NCOA1: variants seen among roughly 807,000 people sequenced by gnomAD.
The protein encoded by NCOA1 is nuclear receptor coactivator 1.
In NCOA1, 35 loss-of-function variants were observed where a neutral mutation model predicts 150.9. The ratio of observed to expected loss-of-function variants is 0.23; its 90% CI spans 0.18 to 0.31. The LOEUF is 0.31. NCOA1 is among the 10% of genes least tolerant of loss of function. NCOA1 has a pLI of 1.00. For synonymous variants in NCOA1, 590 were observed against 630.0 expected (o/e 0.94, Z 0.95); for missense variants, 1,491 against 1,749.3 (o/e 0.85, Z 2.63).
chr2:24,766,851 G>T (rs1226172503), intron 22 of NCOA1, among the ~76,000 whole-genome samples: 2 of 152,100 alleles, frequency 1.3e-5, no homozygotes, highest in Non-Finnish European at 2.9e-5. Context: ...TGGGCGCGTT[G>T]GTGTGTTATA....
chr2:24,683,221 C>A, intron 8 of NCOA1, 93 bp downstream of exon 8: 4 of 729,284 alleles, frequency 5.5e-6, no homozygotes, highest in Non-Finnish European at 7.8e-6. Context: ...ATTTATAATA[C>A]ACAGTATTAT....
intron 2 of NCOA1, among the ~76,000 whole-genome samples, chr2:24,578,511 A>G (rs769395997): frequency 3.1e-4 from 47 of 152,218 alleles, no homozygotes; most frequent in South Asian, 6.2e-4. Context: ...TATTTACAAC[A>G]CTAAGATTCC....
intron 3 of NCOA1, among the ~76,000 whole-genome samples, chr2:24,601,195 T>C (rs759123966): frequency 2.0e-5 from 3 of 151,618 alleles, no homozygotes; most frequent in Non-Finnish European, 4.4e-5. Flanking sequence ...AAGGATTTAA[T>C]AGATCTTTAA....
intron 3 of NCOA1, among the ~76,000 whole-genome samples, chr2:24,610,121 A>ATTTTTTT (rs1558836368): frequency 6.3e-5 from 7 of 111,930 alleles, no homozygotes; most frequent in African/African-American, 1.3e-4. Flanking sequence ...TATAGGCTGC[A>ATTTTTTT]TTCTTTTTTT....
chr2:24,711,837 T>C lies in NCOA1; in HGVS notation c.2599+726T>C, dbSNP rs1353098405. On this transcript the variant is annotated intron_variant, in intron 14 of 22. Coordinates refer to ENST00000348332, the MANE Select transcript of NCOA1 (RefSeq NM_003743.5). Reference sequence around the variant, plus strand: ...CACATTTTGATGTTGAAAAAACCAGTGGTAAGAATTCCATTGTATGACCTT... The same window carrying C: ...CACATTTTGATGTTGAAAAAACCAGCGGTAAGAATTCCATTGTATGACCTT... Among the ~76,000 whole-genome samples, 5 of 152,348 alleles carry C rather than the reference T, an allele frequency of 3.3e-5. No homozygotes were observed. In the East Asian group the frequency reaches 9.6e-4, roughly 29 times the overall value.
At chr2:24,736,585 T>C (rs1663317347) in intron 17 of NCOA1, among the ~76,000 whole-genome samples, 1 of 152,224 alleles carries the variant, frequency 6.6e-6, no homozygotes, top group Non-Finnish European at 1.5e-5. Context: ...ACCTTCAGGT[T>C]TCTGGCAATG....
chr2:24,728,838 G>A (rs1404103265), intron 16 of NCOA1, among the ~76,000 whole-genome samples: 1 of 152,076 alleles, frequency 6.6e-6, no homozygotes, highest in Non-Finnish European at 1.5e-5. Flanking sequence ...TTACACGATA[G>A]GGTGATAAAA....
chr2:24,534,704 T>A (rs992341487), intron 1 of NCOA1, among the ~76,000 whole-genome samples: 2 of 152,212 alleles, frequency 1.3e-5, no homozygotes, highest in East Asian at 3.8e-4. Flanking sequence ...ATTTCGTTAT[T>A]TACCCAGTAG....
chr2:24,677,986 G>T (rs1279668936), intron 7 of NCOA1, among the ~76,000 whole-genome samples: 1 of 151,914 alleles, frequency 6.6e-6, no homozygotes, highest in Non-Finnish European at 1.5e-5. Flanking sequence ...CATCACCTAG[G>T]TATTAAGCCC....
intron 19 of NCOA1, among the ~76,000 whole-genome samples, 180 bp downstream of exon 19, chr2:24,742,366 A>T (rs941022164): frequency 8.5e-5 from 13 of 152,174 alleles, no homozygotes; most frequent in African/African-American, 3.1e-4. Flanking sequence ...GACTGGTTTG[A>T]GGCTTATCTC....
intron 1 of NCOA1, among the ~76,000 whole-genome samples, chr2:24,519,429 A>AC (rs1664332711): frequency 6.6e-6 from 1 of 152,070 alleles, no homozygotes; most frequent in Admixed American, 6.5e-5. Context: ...TCTAAAATTG[A>AC]CTATGGTGAT....
chr2:24,567,068 T>C (rs886528221), intron 2 of NCOA1, among the ~76,000 whole-genome samples: 3 of 152,242 alleles, frequency 2.0e-5, no homozygotes, highest in African/African-American at 7.2e-5. Flanking sequence ...GCAGCTGCTC[T>C]AGATGGGCCG....
intron 7 of NCOA1, among the ~76,000 whole-genome samples, chr2:24,675,484 C>T (rs547141106): frequency 1.3e-5 from 2 of 152,136 alleles, no homozygotes; most frequent in Non-Finnish European, 2.9e-5. Context: ...AGGAAGTCTC[C>T]CAATGGCCTG....
At chr2:24,657,049 C>A (rs1479643431) in intron 4 of NCOA1, among the ~76,000 whole-genome samples, 1 of 152,196 alleles carries the variant, frequency 6.6e-6, no homozygotes, top group Non-Finnish European at 1.5e-5. Context: ...CCTCCATGCT[C>A]TTTTCCAAAT....
At chr2:24,630,224 G>A (rs1669645561) in intron 3 of NCOA1, among the ~76,000 whole-genome samples, 1 of 152,162 alleles carries the variant, frequency 6.6e-6, no homozygotes, top group Non-Finnish European at 1.5e-5. Flanking sequence ...TGAGGAAATG[G>A]AGGCATGGAA....
chr2:24,573,493 G>T (rs928614170), intron 2 of NCOA1, among the ~76,000 whole-genome samples: 1 of 152,064 alleles, frequency 6.6e-6, no homozygotes, highest in Non-Finnish European at 1.5e-5. Context: ...ATATTGTATG[G>T]ATGCATTTAA....
chr2:24,764,289 G>A (rs901544963), intron 22 of NCOA1, among the ~76,000 whole-genome samples: 2 of 152,018 alleles, frequency 1.3e-5, no homozygotes, highest in African/African-American at 4.8e-5. Context: ...TACCAGTTAG[G>A]GACTGCTGAA....
Position 24,665,917 on chromosome 2 carries a change from TAAAAAA to T in NCOA1, c.256+3_256+8del, listed in dbSNP as rs1486198107. The T allele has an allele frequency of 2.1e-6, 3 of 1,432,178 alleles. No homozygotes were observed. The highest frequency in any genetic ancestry group is 1.7e-5 in the South Asian group (1 of 57,306). 88.7% of individuals were successfully genotyped at this position (1,432,178 alleles called of 1,614,324 possible). A position where few individuals can be genotyped will look rare whatever the true frequency, so the allele number is the denominator to read the frequency against. Reference sequence around the variant, plus strand: ...AGCTAATGAAGAGAATGGAACAAGGTAAAAAAGAAAAAGAAAACCCATGGCTGTGTG... The same window carrying T: ...AGCTAATGAAGAGAATGGAACAAGGTGAAAAAGAAAACCCATGGCTGTGTG... On this transcript the variant is annotated splice_donor_5th_base_variant and intron_variant, in intron 6 of 22. Transcript: ENST00000348332.
intron 4 of NCOA1, among the ~76,000 whole-genome samples, chr2:24,645,984 G>A (rs960006872): frequency 4.6e-5 from 7 of 152,202 alleles, no homozygotes; most frequent in Middle Eastern, 3.4e-3. Flanking sequence ...TTAGTACCTC[G>A]ACTTTATGAA....
Sources: gnomAD v4.1 joint callset for allele counts (sites outside exome capture counted in the v4.1 genomes callset) on GRCh38, gnomAD v4.1.1 for gene constraint, MANE v1.5 for transcripts, NCBI Gene and HGNC (gene_info 2026-07-23, HGNC 2026-07-21) for gene names.